The following CENPP variants were observed in gnomAD, a reference collection of about 807,000 sequenced individuals.
CENPP encodes the protein centromere protein P.
A neutral mutation model predicts 35.6 loss-of-function variants in CENPP; 24 were observed. The ratio of observed to expected loss-of-function variants is 0.67; its 90% CI spans 0.49 to 0.95. The LOEUF is 0.95. Among genes scored for constraint, CENPP ranks in the 40% least tolerant of loss-of-function variants. The pLI is 0.00. For synonymous variants in CENPP, 120 were observed against 125.5 expected, an observed-to-expected ratio of 0.96 and a Z score of 0.29; for missense variants, 332 against 345.3, an observed-to-expected ratio of 0.96 and a Z score of 0.31.
At chr9:92,401,212 C>G (rs1564300963) in intron 5 of CENPP, 1 of 991,048 alleles carries the variant, frequency 1.0e-6, no homozygotes, top group Non-Finnish European at 1.6e-6. Flanking sequence ...AGTTTGTTAC[C>G]TAGCTTCATT....
chr9:92,332,863 TTTTC>T (rs573432046), intron 2 of CENPP, among the ~76,000 whole-genome samples: 274 of 150,856 alleles, frequency 1.8e-3, no homozygotes, highest in African/African-American at 6.3e-3. Context: ...ACACAGTTTC[TTTTC>T]TTTCTTTCTT....
chr9:92,461,504 A>T (rs566532018), intron 5 of CENPP, among the ~76,000 whole-genome samples: 1 of 152,016 alleles, frequency 6.6e-6, no homozygotes, highest in Admixed American at 6.5e-5. Flanking sequence ...ATTTATTTCC[A>T]TATTAATTTG....
At chr9:92,575,292 C>G (rs1402845962) in intron 5 of CENPP, among the ~76,000 whole-genome samples, 1 of 151,974 alleles carries the variant, frequency 6.6e-6, no homozygotes, top group Non-Finnish European at 1.5e-5. Context: ...CAAAATTTTG[C>G]AAATCATGTA....
At chr9:92,389,698 C>A (rs1842587942) in intron 5 of CENPP, 5 of 568,068 alleles carry the variant, frequency 8.8e-6, no homozygotes, top group Non-Finnish European at 1.5e-5. Flanking sequence ...CTGAATGAGC[C>A]TAATAGGATG....
intron 5 of CENPP, chr9:92,417,606 G>C (rs1488769996): frequency 8.6e-7 from 1 of 1,160,304 alleles, no homozygotes; most frequent in African/African-American, 1.6e-5. Flanking sequence ...ACATTGTGGA[G>C]AAAGTGAGTA....
rs555303953 is a variant in CENPP at position 92,611,981 on chromosome 9, G to A, written c.645-542G>A. On this transcript the variant is annotated intron_variant, in intron 6 of 7. Coordinates refer to ENST00000375587, the MANE Select transcript of CENPP (RefSeq NM_001012267.3). ...GCTTCTGGGACTTGCCTTTGTCACC[G>A]TTCACCTCCTCCAGGGTCATGAGCA... Among the ~76,000 whole-genome samples the A allele has an allele frequency of 3.7e-4, 57 of 152,296 alleles. 1 individual carries two copies. Among genetic ancestry groups the A allele is most frequent in the South Asian group, 3.5e-3 (17 of 4,826 alleles).
At chr9:92,493,311 TA>T (rs1846224835) in intron 5 of CENPP, among the ~76,000 whole-genome samples, 1 of 152,208 alleles carries the variant, frequency 6.6e-6, no homozygotes. Context: ...CATGTTATTT[TA>T]TAATTGAATC....
intron 5 of CENPP, chr9:92,404,747 A>C (rs1352354851): frequency 1.2e-6 from 1 of 859,340 alleles, no homozygotes; most frequent in Non-Finnish European, 1.5e-6. Context: ...TAACTGCTGC[A>C]CTCAGTCTGC....
chr9:92,572,518 A>C (rs1334774534), intron 5 of CENPP, among the ~76,000 whole-genome samples: 2 of 152,256 alleles, frequency 1.3e-5, no homozygotes, highest in Admixed American at 6.5e-5. Context: ...GGCTGCTCTT[A>C]ACATTTTTTC....
At chr9:92,516,304 C>A (rs1847716893) in intron 5 of CENPP, among the ~76,000 whole-genome samples, 1 of 152,024 alleles carries the variant, frequency 6.6e-6, no homozygotes, top group Non-Finnish European at 1.5e-5. Flanking sequence ...ACCTTGTGAT[C>A]CTCCCGCCTC....
intron 4 of CENPP, among the ~76,000 whole-genome samples, chr9:92,376,773 G>T (rs967284676): frequency 3.3e-5 from 5 of 152,180 alleles, no homozygotes; most frequent in Admixed American, 6.5e-5. Context: ...AGGTGCAGTG[G>T]CTCACGCCTG....
At chr9:92,497,687 A>C (rs771187805) in intron 5 of CENPP, among the ~76,000 whole-genome samples, 3 of 151,560 alleles carry the variant, frequency 2.0e-5, no homozygotes, top group Admixed American at 6.6e-5. Flanking sequence ...CATACCCCAT[A>C]AGGTTTGGTT....
chr9:92,375,952 A>G (rs77958019), intron 4 of CENPP, among the ~76,000 whole-genome samples: 1 of 151,138 alleles, frequency 6.6e-6, no homozygotes. Flanking sequence ...TTTGAATATT[A>G]TGATGGGCAA....
intron 4 of CENPP, among the ~76,000 whole-genome samples, chr9:92,347,877 G>A (rs981335457): frequency 6.6e-6 from 1 of 152,028 alleles, no homozygotes; most frequent in Non-Finnish European, 1.5e-5. Flanking sequence ...GTTTGCCTTA[G>A]ACTGTCAATT....
At chr9:92,592,631 G>A (rs894166807) in intron 5 of CENPP, among the ~76,000 whole-genome samples, 2 of 152,208 alleles carry the variant, frequency 1.3e-5, no homozygotes, top group Non-Finnish European at 1.5e-5. Flanking sequence ...TTTCTGTTGG[G>A]TGGAATTGCT....
intron 5 of CENPP, among the ~76,000 whole-genome samples, chr9:92,451,021 A>G (rs1258261301): frequency 9.2e-5 from 14 of 151,542 alleles, no homozygotes; most frequent in South Asian, 2.1e-4. Context: ...AGTAGGTTGC[A>G]AAAATTTTCT....
chr9:92,547,460 A>G (rs1441732089), intron 5 of CENPP, among the ~76,000 whole-genome samples: 7 of 152,256 alleles, frequency 4.6e-5, no homozygotes. Context: ...ACAAGGGAAT[A>G]TTATTTGGTA....
intron 5 of CENPP, among the ~76,000 whole-genome samples, chr9:92,605,177 C>T (rs1463382105): frequency 6.6e-6 from 1 of 151,792 alleles, no homozygotes; most frequent in East Asian, 1.9e-4. Flanking sequence ...GAAGGGGTTA[C>T]ACCATGAGAC....
At chr9:92,398,479 ATTTTCTTATATCC>A (rs1842982118) in intron 5 of CENPP, among the ~76,000 whole-genome samples, 1 of 151,490 alleles carries the variant, frequency 6.6e-6, no homozygotes, top group Non-Finnish European at 1.5e-5. Flanking sequence ...ATACATATAT[ATTTTCTTATATCC>A]TTTTCTTTCT....
Sources: allele counts gnomAD v4.1 joint callset (sites outside exome capture counted in the v4.1 genomes callset), GRCh38; gene constraint gnomAD v4.1.1; transcripts MANE v1.5; gene names NCBI Gene and HGNC (gene_info 2026-07-23, HGNC 2026-07-21).